The following CRHR1 variants were observed in gnomAD, a reference collection of about 807,000 sequenced individuals.
The protein encoded by CRHR1 is corticotropin-releasing hormone receptor 1.
CRHR1 carries 28 observed loss-of-function variants against 56.0 expected under a neutral mutation model. The ratio of observed to expected loss-of-function variants is 0.50; its 90% CI spans 0.37 to 0.69. The LOEUF (loss-of-function observed/expected upper bound fraction) is 0.69. Among genes scored for constraint, CRHR1 ranks in the 30% least tolerant of loss-of-function variants. The pLI is 0.00. For missense variants in CRHR1, 376 were observed against 548.0 expected (o/e 0.69, Z 3.13); for synonymous variants, 195 against 216.5 (o/e 0.90, Z 0.87).
chr17:45,835,767 A>T lies in CRHR1; in HGVS notation c.*1003A>T, dbSNP rs2143300508. 6.6e-6 allele frequency: 1 copy of T among 152,470 alleles called. No homozygotes were observed. Among genetic ancestry groups the T allele is most frequent in the South Asian group, 2.1e-4 (1 of 4,834 alleles). 9.4% of individuals were successfully genotyped at this position (152,470 alleles called of 1,614,324 possible). A position where few individuals can be genotyped will look rare whatever the true frequency, so the allele number is the denominator to read the frequency against. On this transcript the variant is annotated 3_prime_UTR_variant, in exon 13 of 13. Transcript: ENST00000314537. ...GCAGGGCTTTGGGGGGCACTAGAAG[A>T]TGAGGGTGTCGGCTGTGAGGCGGGT...
Position 45,784,651 on chromosome 17 carries a change from T to C in CRHR1, c.33+74T>C, listed in dbSNP as rs1022086298. 3.5e-6 allele frequency: 5 copies of C among 1,419,750 alleles called. No homozygotes were observed. In the African/African-American group the frequency reaches 7.5e-5, roughly 21 times the overall value. The allele number at this position is 1,419,750 out of a possible 1,614,324, so 87.9% of individuals were successfully genotyped here. A position where few individuals can be genotyped will look rare whatever the true frequency, so the allele number is the denominator to read the frequency against. On this transcript the variant is annotated intron_variant, in intron 1 of 12. Transcript: ENST00000314537. The surrounding 1 kb of genome is among the most constrained non-coding windows in gnomAD (Gnocchi z 4.2). ...GCGGACGCGGGACGGGGCTGGGCTG[T>C]GGGTGTGATGGGGGCGGGGGCGCTG...
At chr17:45,796,767 G>A (rs1018295251) in intron 1 of CRHR1, among the ~76,000 whole-genome samples, 1 of 151,922 alleles carries the variant, frequency 6.6e-6, no homozygotes, top group African/African-American at 2.4e-5. Flanking sequence ...AAAGAAAGAA[G>A]GAAGAAAGAA....
intron 1 of CRHR1, among the ~76,000 whole-genome samples, chr17:45,791,962 G>C (rs1472494454): frequency 6.6e-6 from 1 of 152,042 alleles, no homozygotes; most frequent in Non-Finnish European, 1.5e-5. Context: ...AAGCCACTGT[G>C]TGGTCACCAC....
In CRHR1 at chr17:45,828,300, A is replaced by G. The variant is rs895679890; in HGVS notation, c.328-915A>G. 2.6e-5 allele frequency among the ~76,000 whole-genome samples: 4 copies of G among 152,326 alleles called. No homozygotes were observed. In the South Asian group the frequency reaches 8.3e-4, roughly 32 times the overall value. On this transcript the variant is annotated intron_variant, in intron 4 of 12. Transcript: ENST00000314537. ...TCGTATCTTGCCAATCTACATGTGC[A>G]GGCAAGAGGTGGTTTTGGAGTTGCG...
intron 2 of CRHR1, among the ~76,000 whole-genome samples, chr17:45,811,494 T>C (rs2061823186): frequency 6.6e-6 from 1 of 152,226 alleles, no homozygotes; most frequent in South Asian, 2.1e-4. Flanking sequence ...CTCCAGCAGC[T>C]CACCCCCAAC....
intron 8 of CRHR1, among the ~76,000 whole-genome samples, chr17:45,831,478 C>A (rs2062308070): frequency 6.6e-6 from 1 of 152,178 alleles, no homozygotes; most frequent in Admixed American, 6.5e-5. Flanking sequence ...TCTTTGGTTC[C>A]TTATGAAATG....
At chr17:45,801,162 C>T (rs2146290778) in intron 1 of CRHR1, among the ~76,000 whole-genome samples, 2 of 152,280 alleles carry the variant, frequency 1.3e-5, no homozygotes, top group South Asian at 4.1e-4. Context: ...CAGGCCATGT[C>T]AGAACCTGGC....
chr17:45,828,910 C>T (rs933954865), intron 4 of CRHR1, among the ~76,000 whole-genome samples: 5 of 152,152 alleles, frequency 3.3e-5, no homozygotes, highest in African/African-American at 4.8e-5. Flanking sequence ...ACCTGTGAGC[C>T]GGCCACATGT....
intron 7 of CRHR1, 26 bp downstream of exon 7, chr17:45,830,596 C>A: frequency 1.3e-6 from 2 of 1,585,292 alleles, no homozygotes; most frequent in South Asian, 1.1e-5. Flanking sequence ...ACCTCCGCAG[C>A]CTGGGCAGTG....
chr17:45,819,578 C>T (rs1194312927), intron 3 of CRHR1, among the ~76,000 whole-genome samples: 2 of 152,156 alleles, frequency 1.3e-5, no homozygotes, highest in Non-Finnish European at 1.5e-5. Flanking sequence ...CCTGGTTCCT[C>T]GTCTCACCCT....
intron 4 of CRHR1, among the ~76,000 whole-genome samples, chr17:45,825,186 A>G (rs1203490794): frequency 6.6e-6 from 1 of 152,208 alleles, no homozygotes; most frequent in African/African-American, 2.4e-5. Flanking sequence ...ATGGATTCGC[A>G]GAAGTCTGCC....
Position 45,829,238 on chromosome 17 carries a change from T to A in CRHR1, c.351T>A (p.His117Gln), listed in dbSNP as rs2062237397. ...NEEKKSKVHY[H>Q]VAVIINYLGH... ...AGAAAAAAAGCAAGGTGCACTACCA[T>A]GTCGCAGTCATCATCAACTACCTGG... Residue 117 changes from histidine (H) to glutamine (Q), a missense_variant, in exon 5 of 13, where the codon CAT (histidine) becomes CAA (glutamine). Around this residue, in one of 2 missense-constraint regions of CRHR1, gnomAD observed 369 missense variants for 519.5 expected, o/e 0.71. Coordinates refer to ENST00000314537, the MANE Select transcript of CRHR1 (RefSeq NM_004382.5). 1 of 1,614,052 alleles carries A rather than the reference T, an allele frequency of 6.2e-7. No homozygotes were observed. Among genetic ancestry groups the A allele is most frequent in the Non-Finnish European group, 8.5e-7 (1 of 1,180,004 alleles).
intron 1 of CRHR1, among the ~76,000 whole-genome samples, chr17:45,799,132 G>C (rs530830354): frequency 2.9e-4 from 44 of 152,350 alleles, no homozygotes; most frequent in Non-Finnish European, 4.9e-4. Context: ...ACTCTGGCTG[G>C]TCTCCACCTG....
intron 11 of CRHR1, 30 bp from the exon 12 acceptor site, chr17:45,833,977 G>A (rs537913958): frequency 1.5e-5 from 24 of 1,613,706 alleles, no homozygotes; most frequent in East Asian, 4.5e-5. Context: ...ACCTGCAGCC[G>A]ACCTTTGACG....
At chr17:45,802,337 C>T (rs72834575) in intron 1 of CRHR1, among the ~76,000 whole-genome samples, 1 of 152,000 alleles carries the variant, frequency 6.6e-6, no homozygotes. Flanking sequence ...AACAAACAAA[C>T]AAAAAAATTC....
chr17:45,835,047 C>T lies in CRHR1; in HGVS notation c.*283C>T, dbSNP rs779706748. 1.8e-5 allele frequency: 9 copies of T among 495,568 alleles called. No individual in the cohort carries two copies. Among genetic ancestry groups the T allele is most frequent in the Non-Finnish European group, 2.5e-5 (7 of 276,938 alleles). The allele number at this position is 495,568 out of a possible 1,614,324, so 30.7% of individuals were successfully genotyped here. A position where few individuals can be genotyped will look rare whatever the true frequency, so the allele number is the denominator to read the frequency against. The stretch of plus-strand genomic sequence containing the variant: ...GACATGGGAATGAATTGAAATGGGG[C>T]GCTGGACACCTACAGCAGCACGCAT... On this transcript the variant is annotated 3_prime_UTR_variant, in exon 13 of 13. Coordinates refer to ENST00000314537, the MANE Select transcript of CRHR1 (RefSeq NM_004382.5).
chr17:45,807,001 T>C lies in CRHR1; in HGVS notation c.34-9T>C. 4 of 1,613,380 alleles carry C rather than the reference T, an allele frequency of 2.5e-6. No homozygotes were observed. Among genetic ancestry groups the C allele is most frequent in the Non-Finnish European group, 3.4e-6 (4 of 1,179,656 alleles). On this transcript the variant is annotated splice_polypyrimidine_tract_variant and intron_variant, in intron 1 of 12. Coordinates refer to ENST00000314537, the MANE Select transcript of CRHR1 (RefSeq NM_004382.5). ...TGCCTAATGTGTCCTTCGCCTCCTG[T>C]GCCTGCAGGCCCTTCTCCTTCTGGG...
chr17:45,811,605 G>A (rs1159971125), intron 2 of CRHR1, among the ~76,000 whole-genome samples: 1 of 152,224 alleles, frequency 6.6e-6, no homozygotes, highest in Non-Finnish European at 1.5e-5. Context: ...CCGTGAATGA[G>A]GGAGTGAGCC....
chr17:45,798,731 G>A (rs1598404775), intron 1 of CRHR1, among the ~76,000 whole-genome samples: 2 of 136,558 alleles, frequency 1.5e-5, no homozygotes, highest in Admixed American at 7.5e-5. Flanking sequence ...GAGTAGAGGC[G>A]TGAAGTAGCA....
Sources: allele counts gnomAD v4.1 joint callset (sites outside exome capture counted in the v4.1 genomes callset), GRCh38; gene constraint gnomAD v4.1.1; regional missense constraint gnomAD v4.1.1; non-coding constraint Gnocchi (gnomAD v3.1); transcripts MANE v1.5; gene names NCBI Gene and HGNC (gene_info 2026-07-23, HGNC 2026-07-21).